The following ASTN1 variants were observed in gnomAD, a reference collection of about 807,000 sequenced individuals.
ASTN1 encodes astrotactin 1, also known as astrotactin-1.
A neutral mutation model predicts 140.7 loss-of-function variants in ASTN1; 41 were observed. The ratio of observed to expected loss-of-function variants is 0.29; its 90% CI spans 0.23 to 0.38. The LOEUF is 0.38. Ranked by LOEUF, ASTN1 falls within the 10% of genes least tolerant of loss-of-function variation. The pLI, the probability that ASTN1 is intolerant of heterozygous loss-of-function variation, is 1.00. For synonymous variants in ASTN1, 640 were observed against 652.2 expected (o/e 0.98, Z 0.29); for missense variants, 1,479 against 1,678.8 (o/e 0.88, Z 2.08).
At chr1:177,037,083 G>T (rs922381637) in intron 2 of ASTN1, among the ~76,000 whole-genome samples, 1 of 152,298 alleles carries the variant, frequency 6.6e-6, no homozygotes, top group African/African-American at 2.4e-5. Flanking sequence ...GCCTCCCAAA[G>T]TGGTGGGATT....
chr1:177,117,741 C>A (rs1681167886), intron 1 of ASTN1, among the ~76,000 whole-genome samples: 1 of 152,176 alleles, frequency 6.6e-6, no homozygotes, highest in African/African-American at 2.4e-5. Context: ...AGATAACAAC[C>A]TGTAATATCC....
chr1:177,100,529 C>T (rs934172593), intron 1 of ASTN1, among the ~76,000 whole-genome samples: 9 of 152,042 alleles, frequency 5.9e-5, no homozygotes, highest in African/African-American at 2.2e-4. Flanking sequence ...TAAAAATGAA[C>T]AAGCTGAGGA....
At chr1:177,151,268 C>A (rs932884907) in intron 1 of ASTN1, among the ~76,000 whole-genome samples, 2 of 152,004 alleles carry the variant, frequency 1.3e-5, no homozygotes, top group South Asian at 4.1e-4. Flanking sequence ...AAAAAAAAAT[C>A]TATTCTCTCT....
At chr1:176,921,072 T>C (rs1280951228) in intron 16 of ASTN1, among the ~76,000 whole-genome samples, 1 of 152,206 alleles carries the variant, frequency 6.6e-6, no homozygotes. Flanking sequence ...TTGACTAGTG[T>C]AGCGTTAATC....
chr1:176,944,645 T>C (rs765321529), intron 13 of ASTN1, among the ~76,000 whole-genome samples: 4 of 152,136 alleles, frequency 2.6e-5, no homozygotes, highest in Non-Finnish European at 5.9e-5. Context: ...TAAGACGTAA[T>C]GGGTATGATT....
In ASTN1 at chr1:176,894,679, C is replaced by T. The variant is rs373198208; in HGVS notation, c.2823G>A (p.Ser941=). The change falls in exon 17 of 23, where the codon TCG becomes TCA. Residue 941 remains serine (S), a synonymous_variant. Coordinates refer to ENST00000361833, the MANE Select transcript of ASTN1 (RefSeq NM_004319.3). ...MECHSKGRCP[S]SCPLCHVTSS... The stretch of plus-strand genomic sequence containing the variant: ...ATGTCACATGACACAGGGGGCAGGA[C>T]GAGGGGCATCGTCCCTTGCTGTGGC... 1.1e-5 allele frequency: 18 copies of T among 1,614,082 alleles called. No individual in the cohort carries two copies. The highest frequency in any genetic ancestry group is 5.0e-5 in the Admixed American group (3 of 60,024).
intron 1 of ASTN1, among the ~76,000 whole-genome samples, chr1:177,072,782 A>T (rs1678706671): frequency 6.6e-6 from 1 of 152,202 alleles, no homozygotes; most frequent in Non-Finnish European, 1.5e-5. Context: ...AAGTCTATGC[A>T]CCATGTGGCA....
chr1:177,075,958 T>C (rs1266695283), intron 1 of ASTN1, among the ~76,000 whole-genome samples: 4 of 152,062 alleles, frequency 2.6e-5, no homozygotes, highest in Non-Finnish European at 5.9e-5. Flanking sequence ...TTTGATCTCA[T>C]GTGAGAGATC....
At chr1:176,958,247 C>A (rs1672502906) in intron 10 of ASTN1, 98 bp downstream of exon 10, 3 of 1,570,678 alleles carry the variant, frequency 1.9e-6, no homozygotes, top group Middle Eastern at 3.4e-4. Context: ...TTCCTTTTAG[C>A]TTGTTGGGAC....
chr1:177,114,967 A>G (rs1358904533), intron 1 of ASTN1, among the ~76,000 whole-genome samples: 1 of 152,134 alleles, frequency 6.6e-6, no homozygotes, highest in Non-Finnish European at 1.5e-5. Context: ...ACTGTTAGCC[A>G]GAAGAGGAAG....
intron 16 of ASTN1, among the ~76,000 whole-genome samples, chr1:176,914,790 G>C (rs536103331): frequency 6.6e-6 from 1 of 152,176 alleles, no homozygotes; most frequent in Non-Finnish European, 1.5e-5. Context: ...GGTAGCAACC[G>C]TGTACAGAGA....
chr1:177,100,695 C>G (rs147337072), intron 1 of ASTN1, among the ~76,000 whole-genome samples: 126 of 152,248 alleles, frequency 8.3e-4, no homozygotes, highest in Non-Finnish European at 1.5e-3. Flanking sequence ...AAAATTACAG[C>G]GCAGGGAAGA....
chr1:176,866,723 G>C (rs867928598), intron 22 of ASTN1, among the ~76,000 whole-genome samples: 68 of 152,260 alleles, frequency 4.5e-4, no homozygotes, highest in African/African-American at 1.5e-3. Context: ...AATTAGTGGT[G>C]CAACCAATGT....
chr1:177,042,444 T>C (rs1304236056), intron 2 of ASTN1, among the ~76,000 whole-genome samples: 1 of 152,194 alleles, frequency 6.6e-6, no homozygotes, highest in East Asian at 1.9e-4. Flanking sequence ...GAATTAAGCA[T>C]TTCTCACCTT....
intron 17 of ASTN1, among the ~76,000 whole-genome samples, chr1:176,893,105 T>C (rs1006042979): frequency 2.0e-5 from 3 of 152,192 alleles, no homozygotes; most frequent in Non-Finnish European, 4.4e-5. Context: ...CTTGCAATCA[T>C]ACAAAGAAAG....
At chr1:177,094,691 AGTG>A (rs1679939889) in intron 1 of ASTN1, among the ~76,000 whole-genome samples, 1 of 152,324 alleles carries the variant, frequency 6.6e-6, no homozygotes, top group East Asian at 1.9e-4. Context: ...GGTACTGAGA[AGTG>A]GGGGTGCTGT....
At position 176,863,982 on chromosome 1, in the gene ASTN1, A is replaced by T. The variant is rs1668048181; in HGVS notation, c.*302T>A. ...GGCAGAGCTCTTGAGCATTTTGGTA[A>T]ACTTCTCAGGGAAAAAAAAATGAAT... On this transcript the variant is annotated 3_prime_UTR_variant, in exon 23 of 23. Coordinates refer to ENST00000361833, the MANE Select transcript of ASTN1 (RefSeq NM_004319.3). The T allele has an allele frequency of 2.6e-6, 3 of 1,146,296 alleles. No homozygotes were observed. In the African/African-American group the frequency reaches 4.8e-5, roughly 18 times the overall value. The allele number at this position is 1,146,296 out of a possible 1,614,324, so 71.0% of individuals were successfully genotyped here.
chr1:177,130,283 C>T (rs907268459), intron 1 of ASTN1, among the ~76,000 whole-genome samples: 2 of 152,066 alleles, frequency 1.3e-5, no homozygotes, highest in African/African-American at 4.8e-5. Context: ...CAGGGTGGTC[C>T]GTGTGACCCT....
intron 7 of ASTN1, among the ~76,000 whole-genome samples, chr1:177,022,001 C>T (rs1053206337): frequency 6.6e-6 from 1 of 152,200 alleles, no homozygotes; most frequent in Non-Finnish European, 1.5e-5. Context: ...CAGTCTTAGA[C>T]TTCAGATGTT....
Sources: gnomAD v4.1 joint callset for allele counts (sites outside exome capture counted in the v4.1 genomes callset) on GRCh38, gnomAD v4.1.1 for gene constraint, MANE v1.5 for transcripts, NCBI Gene and HGNC (gene_info 2026-07-23, HGNC 2026-07-21) for gene names.